ZFYVE28: variants seen among roughly 807,000 people sequenced by gnomAD.
The protein encoded by ZFYVE28 is zinc finger FYVE-type containing 28, also known as lateral signaling target protein 2 homolog.
A neutral mutation model predicts 82.1 loss-of-function variants in ZFYVE28; 40 were observed. The ratio of observed to expected loss-of-function variants is 0.49; its 90% CI spans 0.38 to 0.63. ZFYVE28 has a LOEUF of 0.63. Among genes scored for constraint, ZFYVE28 ranks in the 30% least tolerant of loss-of-function variants. The pLI is 0.00. For missense variants in ZFYVE28, 1,321 were observed against 1,242.1 expected (o/e 1.06, Z -0.96); for synonymous variants, 612 against 546.1 (o/e 1.12, Z -1.68).
In ZFYVE28 at chr4:2,305,032, T is replaced by C. The variant is rs757141657; in HGVS notation, c.1308A>G (p.Lys436=). The change falls in exon 8 of 13, where the codon AAA becomes AAG. Residue 436 remains lysine, a synonymous_variant. Coordinates refer to ENST00000290974, the MANE Select transcript of ZFYVE28 (RefSeq NM_020972.3). Reference sequence around the variant, plus strand: ...CCGCTCCGCCTGGCCCACCCTGCCCTTTCTCCTGGGGGTCGGCCCAGGTAC... The same window carrying C: ...CCGCTCCGCCTGGCCCACCCTGCCCCTTCTCCTGGGGGTCGGCCCAGGTAC... ...AGSTWADPQE[K]GQGGPGGAAG... The C allele has an allele frequency of 2.5e-6, 4 of 1,612,702 alleles. No individual in the cohort carries two copies. Among genetic ancestry groups the C allele is most frequent in the Non-Finnish European group, 3.4e-6 (4 of 1,179,860 alleles).
chr4:2,355,199 AATATATATATATATAT>A lies in ZFYVE28; in HGVS notation c.40-1142_40-1127del, dbSNP rs71167785. Reference sequence around the variant, plus strand: ...TTACAAAAGTGATGAAGTCCTTGAAAATATATATATATATATATATATATATATATATATATATATA... The same window carrying A: ...TTACAAAAGTGATGAAGTCCTTGAAAATATATATATATATATATATATATA... On this transcript the variant is annotated intron_variant, in intron 1 of 12. Coordinates refer to ENST00000290974, the MANE Select transcript of ZFYVE28 (RefSeq NM_020972.3). 3.1e-4 allele frequency among the ~76,000 whole-genome samples: 15 copies of A among 48,948 alleles called. 1 individual carries two copies. Among genetic ancestry groups the A allele is most frequent in the Non-Finnish European group, 5.4e-4 (14 of 26,130 alleles). The allele number at this position is 48,948 out of a possible 152,430, so 32.1% of individuals were successfully genotyped here.
At chr4:2,358,915 C>A (rs555192294) in intron 1 of ZFYVE28, among the ~76,000 whole-genome samples, 2 of 152,154 alleles carry the variant, frequency 1.3e-5, no homozygotes, top group South Asian at 4.2e-4. Flanking sequence ...GATCCTCCCA[C>A]CTCAGCCTCC....
intron 1 of ZFYVE28, among the ~76,000 whole-genome samples, chr4:2,399,220 G>C (rs1007013711): frequency 6.6e-6 from 1 of 151,712 alleles, no homozygotes; most frequent in South Asian, 2.1e-4. Context: ...GTGATAACCA[G>C]TGCACAATGT....
At chr4:2,282,963 A>G (rs1179558836) in intron 8 of ZFYVE28, among the ~76,000 whole-genome samples, 5 of 152,208 alleles carry the variant, frequency 3.3e-5, no homozygotes, top group African/African-American at 1.2e-4. Context: ...AGTGACTGGT[A>G]GGCTCCAGAG....
At chr4:2,353,758 C>G (rs989030926) in intron 2 of ZFYVE28, among the ~76,000 whole-genome samples, 175 bp downstream of exon 2, 2 of 152,216 alleles carry the variant, frequency 1.3e-5, no homozygotes, top group African/African-American at 4.8e-5. Context: ...CGGCTACCCA[C>G]CCCACGCATC....
At chr4:2,377,817 T>C (rs1052584238) in intron 1 of ZFYVE28, among the ~76,000 whole-genome samples, 3 of 152,236 alleles carry the variant, frequency 2.0e-5, no homozygotes, top group Non-Finnish European at 4.4e-5. Context: ...GAATATGTTC[T>C]CAGAACGGTG....
intron 8 of ZFYVE28, among the ~76,000 whole-genome samples, chr4:2,279,821 C>T (rs952189520): frequency 2.7e-4 from 41 of 151,694 alleles, no homozygotes; most frequent in African/African-American, 8.5e-4. Context: ...TGATTCCATT[C>T]ACATGAAATG....
intron 1 of ZFYVE28, among the ~76,000 whole-genome samples, chr4:2,403,446 G>A (rs1188661305): frequency 5.3e-5 from 8 of 152,356 alleles, no homozygotes; most frequent in Non-Finnish European, 8.8e-5. Flanking sequence ...TCCCTGGATC[G>A]TGGCGGGAGG....
At chr4:2,344,256 A>T (rs1469827607) in intron 2 of ZFYVE28, among the ~76,000 whole-genome samples, 2 of 152,182 alleles carry the variant, frequency 1.3e-5, no homozygotes, top group Non-Finnish European at 2.9e-5. Flanking sequence ...CCGAGAACTG[A>T]TCAACACATG....
chr4:2,312,615 C>A (rs1717625676), intron 7 of ZFYVE28, among the ~76,000 whole-genome samples: 1 of 151,524 alleles, frequency 6.6e-6, no homozygotes, highest in South Asian at 2.1e-4. Context: ...GTAGTCCCAG[C>A]TACTCGGGAG....
In ZFYVE28 at chr4:2,304,581, G is replaced by A; in HGVS notation, c.1759C>T (p.Pro587Ser). Residue 587 changes from proline (P) to serine (S), a missense_variant, in exon 8 of 13, where the codon CCG becomes TCG. Transcript: ENST00000290974. Reference sequence around the variant, plus strand: ...TACGAGGCACCAATGACGCCTCCCGGGCTGCACTTCTCCCGCAGACGCTCC... The same window carrying A: ...TACGAGGCACCAATGACGCCTCCCGAGCTGCACTTCTCCCGCAGACGCTCC... The part of the protein sequence containing the change: ...VVERLREKCS[P>S]GGVIGASYAA... 3 of 1,612,510 alleles carry A rather than the reference G, an allele frequency of 1.9e-6. No individual in the cohort carries two copies. The highest frequency in any genetic ancestry group is 2.5e-6 in the Non-Finnish European group (3 of 1,179,820).
rs1216304195 is a variant in ZFYVE28, at chr4:2,418,095, C to T, written c.39+190G>A. Among the ~76,000 whole-genome samples, 1 of 151,934 alleles carries T rather than the reference C, an allele frequency of 6.6e-6. No individual in the cohort carries two copies. The highest frequency in any genetic ancestry group is 1.5e-5 in the Non-Finnish European group (1 of 67,960). On this transcript the variant is annotated intron_variant, in intron 1 of 12. Coordinates refer to ENST00000290974, the MANE Select transcript of ZFYVE28 (RefSeq NM_020972.3). The surrounding 1 kb of genome is among the most constrained non-coding windows in gnomAD (Gnocchi z 4.6). ...GGCTTAGGAAGCCGGGAGGGAGGTT[C>T]GGATCCGCCTCAGAGACAGGGCGAT...
chr4:2,349,743 A>T (rs534262385), intron 2 of ZFYVE28, among the ~76,000 whole-genome samples: 10 of 152,156 alleles, frequency 6.6e-5, no homozygotes, highest in Non-Finnish European at 1.5e-5. Flanking sequence ...AAAACCATCA[A>T]TGTAATTTAC....
intron 2 of ZFYVE28, among the ~76,000 whole-genome samples, chr4:2,351,087 A>G (rs573053874): frequency 2.2e-4 from 34 of 152,218 alleles, no homozygotes; most frequent in South Asian, 8.3e-4. Flanking sequence ...CACAGACCAC[A>G]CCTGGACTTG....
chr4:2,328,825 C>G, intron 6 of ZFYVE28: 8 of 237,972 alleles, frequency 3.4e-5, no homozygotes, highest in East Asian at 7.3e-5. Context: ...TTTTTTCCAA[C>G]TTTGTTCTTT....
rs1716279461 is a variant in ZFYVE28, at chr4:2,304,814, CCT to C, written c.1524_1525del (p.Gly510HisfsTer43). On this transcript the variant is annotated frameshift_variant, in exon 8 of 13. Coordinates refer to ENST00000290974, the MANE Select transcript of ZFYVE28 (RefSeq NM_020972.3). LOFTEE classifies it high-confidence loss of function. ...GACCGTGGCTGAGAGCTTCATGCCC[CCT>C]GTCCGGTGGGCGATCATCTCAGCCG... is the stretch of plus-strand genomic sequence containing the variant. 5 of 1,612,710 alleles carry C rather than the reference CCT, an allele frequency of 3.1e-6. No homozygotes were observed. The highest frequency in any genetic ancestry group is 4.2e-6 in the Non-Finnish European group (5 of 1,179,942).
chr4:2,339,386 C>A lies in ZFYVE28; in HGVS notation c.521+67G>T. 1 of 1,530,448 alleles carries A rather than the reference C, an allele frequency of 6.5e-7. No individual in the cohort carries two copies. The highest frequency in any genetic ancestry group is 1.2e-5 in the South Asian group (1 of 81,328). 94.8% of individuals were successfully genotyped at this position (1,530,448 alleles called of 1,614,324 possible). On this transcript the variant is annotated intron_variant, in intron 4 of 12. Transcript: ENST00000290974. This position sits in a 1 kb window ranked among gnomAD's most constrained non-coding sequence, Gnocchi z 5.0. The stretch of plus-strand genomic sequence containing the variant: ...TTCCAGCTTGAAGTATCAGGGTGAG[C>A]CCCGGAAGCTGGCACAACCGTCCCC...
chr4:2,388,407 GA>G (rs918326245), intron 1 of ZFYVE28, among the ~76,000 whole-genome samples: 16 of 152,158 alleles, frequency 1.1e-4, no homozygotes, highest in African/African-American at 2.9e-4. Context: ...ACAGCACAAC[GA>G]GGGCTCCCAC....
intron 1 of ZFYVE28, among the ~76,000 whole-genome samples, chr4:2,377,211 C>G (rs1489059457): frequency 6.9e-6 from 1 of 144,512 alleles, no homozygotes; most frequent in Admixed American, 6.8e-5. Flanking sequence ...TTAGTACAGA[C>G]AGGGTTTTGC....
Sources: gnomAD v4.1 joint callset for allele counts (sites outside exome capture counted in the v4.1 genomes callset) on GRCh38, gnomAD v4.1.1 for gene constraint, Gnocchi (gnomAD v3.1) non-coding constraint, MANE v1.5 for transcripts, NCBI Gene and HGNC (gene_info 2026-07-23, HGNC 2026-07-21) for gene names.